The following PDE1C variants were observed in gnomAD, a reference collection of about 807,000 sequenced individuals.
PDE1C encodes the protein dual specificity calcium/calmodulin-dependent 3',5'-cyclic nucleotide phosphodiesterase 1C.
Under a neutral mutation model 93.1 loss-of-function variants are expected in PDE1C, and 62 were observed. That is an observed-to-expected ratio of 0.67 (90% CI 0.54 to 0.82). The LOEUF is 0.82. Ranked by LOEUF, PDE1C falls within the 40% of genes least tolerant of loss-of-function variation. The pLI, the probability that PDE1C is intolerant of heterozygous loss-of-function variation, is 0.00. For missense variants in PDE1C, 742 were observed against 884.6 expected (o/e 0.84, Z 2.04); for synonymous variants, 325 against 310.1 (o/e 1.05, Z -0.50).
At chr7:32,342,785 G>A (rs1325209417) in intron 1 of PDE1C, among the ~76,000 whole-genome samples, 2 of 152,112 alleles carry the variant, frequency 1.3e-5, no homozygotes, top group Non-Finnish European at 2.9e-5. Flanking sequence ...TTGTTATGAG[G>A]CTTAAATAAG....
the PDE1C span, among the ~76,000 whole-genome samples, chr7:31,681,381 ATGG>A: frequency 7.0e-6 from 1 of 142,462 alleles, no homozygotes; most frequent in African/African-American, 2.9e-5. Flanking sequence ...GGATGGATGG[ATGG>A]ATGGATGGAT....
At chr7:32,229,032 C>T (rs1562599481) in intron 1 of PDE1C, among the ~76,000 whole-genome samples, 1 of 152,238 alleles carries the variant, frequency 6.6e-6, no homozygotes, top group African/African-American at 2.4e-5. Context: ...CTTCCCACCC[C>T]CAAGCCCCAC....
the PDE1C span, among the ~76,000 whole-genome samples, chr7:31,704,445 C>T: frequency 1.3e-4 from 20 of 152,174 alleles, no homozygotes; most frequent in Non-Finnish European, 2.5e-4. Flanking sequence ...TACAAGCAGC[C>T]AAGTTCCCTA....
chr7:31,921,498 A>G (rs1050433044), intron 2 of PDE1C, among the ~76,000 whole-genome samples: 1 of 152,148 alleles, frequency 6.6e-6, no homozygotes, highest in Non-Finnish European at 1.5e-5. Context: ...ATATGGTGTT[A>G]TTTCAGGATT....
intron 1 of PDE1C, among the ~76,000 whole-genome samples, chr7:32,378,368 C>T (rs1448189982): frequency 6.6e-6 from 1 of 152,170 alleles, no homozygotes; most frequent in Non-Finnish European, 1.5e-5. Flanking sequence ...TTGCTTTTAG[C>T]CTTCAAGCTG....
chr7:32,094,915 A>G (rs1797670449), intron 3 of PDE1C, among the ~76,000 whole-genome samples: 1 of 152,146 alleles, frequency 6.6e-6, no homozygotes, highest in Non-Finnish European at 1.5e-5. Context: ...ACTTAGCATG[A>G]GCAGCTCCTT....
rs190974692 is a variant in PDE1C at position 31,894,900 on chromosome 7, C to T, written c.129-14040G>A. Among the ~76,000 whole-genome samples, 3 of 152,248 alleles carry T rather than the reference C, an allele frequency of 2.0e-5. No homozygotes were observed. The East Asian group carries it at 5.8e-4, about 29-fold the overall frequency. ...TATGAAGTACATCAGAGTTCTGGGG[C>T]AAAGTCCTGAGGCAAGAGATTGTTA... On this transcript the variant is annotated intron_variant, in intron 2 of 17. Transcript: ENST00000396191.
At chr7:32,053,844 C>T (rs566158953) in intron 1 of PDE1C, among the ~76,000 whole-genome samples, 6 of 152,026 alleles carry the variant, frequency 3.9e-5, no homozygotes, top group Non-Finnish European at 8.8e-5. Flanking sequence ...TCTGAAAGAG[C>T]GCAAATTCTA....
intron 2 of PDE1C, among the ~76,000 whole-genome samples, chr7:32,204,818 T>C (rs1805304553): frequency 6.6e-6 from 1 of 152,212 alleles, no homozygotes. Context: ...AGCGTCCCCG[T>C]TCTGACTCTC....
the PDE1C span, among the ~76,000 whole-genome samples, chr7:31,635,787 G>A: frequency 6.6e-6 from 1 of 151,968 alleles, no homozygotes; most frequent in South Asian, 2.1e-4. Flanking sequence ...GGAGGGCGGG[G>A]GTCAGAGGAG....
the PDE1C span, among the ~76,000 whole-genome samples, chr7:31,640,892 C>A: frequency 8.0e-3 from 1,225 of 152,190 alleles, 8 homozygotes; most frequent in Middle Eastern, 0.017. Flanking sequence ...AAAATGTATG[C>A]CCTCTGATTT....
intron 3 of PDE1C, among the ~76,000 whole-genome samples, chr7:32,103,188 G>C (rs1268542235): frequency 6.6e-6 from 1 of 152,214 alleles, no homozygotes; most frequent in South Asian, 2.1e-4. Flanking sequence ...ACATTAGAGA[G>C]TGAGAAATTT....
chr7:32,075,947 T>C (rs561220882), upstream of PDE1C, among the ~76,000 whole-genome samples: 2 of 152,118 alleles, frequency 1.3e-5, no homozygotes, highest in Non-Finnish European at 2.9e-5. Context: ...TTGGCCATGG[T>C]TGGGTTGGGC....
rs1789953117 is a variant in PDE1C at position 31,828,350 on chromosome 7, C to A, written c.1227G>T (p.Gly409=). Residue 409 remains glycine, a synonymous_variant, in exon 12 of 18, where the codon GGG becomes GGT. Coordinates refer to ENST00000396191, the MANE Select transcript of PDE1C (RefSeq NM_001191057.4). The part of the protein sequence containing the change: ...FRQGDREAEL[G]LPFSPLCDRK... ...GGTCACACAGAGGAGAAAAAGGCAGCCCCAGCTCTGCTTCTCTGTCACCCT... is the reference window on the plus strand; with the variant it reads ...GGTCACACAGAGGAGAAAAAGGCAGACCCAGCTCTGCTTCTCTGTCACCCT... 6.2e-7 allele frequency: 1 copy of A among 1,612,356 alleles called. No homozygotes were observed. The highest frequency in any genetic ancestry group is 2.2e-5 in the East Asian group (1 of 44,808).
At chr7:32,021,746 A>G (rs1788703551) in intron 2 of PDE1C, among the ~76,000 whole-genome samples, 1 of 152,058 alleles carries the variant, frequency 6.6e-6, no homozygotes, top group Non-Finnish European at 1.5e-5. Flanking sequence ...ATGTCTATCC[A>G]CAGGTAGACA....
the PDE1C span, among the ~76,000 whole-genome samples, chr7:31,709,568 A>G: frequency 6.6e-6 from 1 of 152,058 alleles, no homozygotes; most frequent in African/African-American, 2.4e-5. Flanking sequence ...AAGTAGGGGG[A>G]TCCCATCAGT....
rs558520958 is a variant in PDE1C at position 32,371,555 on chromosome 7, A to G, written c.310+56267T>C. On this transcript the variant is annotated intron_variant, in intron 1 of 1. Coordinates refer to the PDE1C transcript ENST00000672256. ...TACTGAATGAAGGGCATGGATGGGT[A>G]CCATGGTGATTTCAAAAAATGGCTG... is the stretch of plus-strand genomic sequence containing the variant. Among the ~76,000 whole-genome samples, 12 of 152,336 alleles carry G rather than the reference A, an allele frequency of 7.9e-5. 1 individual carries two copies. The highest frequency in any genetic ancestry group is 5.2e-4 in the Admixed American group (8 of 15,308).
At chr7:31,911,415 C>T (rs1241886085) in intron 2 of PDE1C, among the ~76,000 whole-genome samples, 1 of 152,110 alleles carries the variant, frequency 6.6e-6, no homozygotes, top group East Asian at 1.9e-4. Context: ...GGGCTCAGTA[C>T]TGAAGTAACC....
At chr7:32,380,224 C>T (rs182495) in intron 1 of PDE1C, among the ~76,000 whole-genome samples, 113,932 of 151,594 alleles carry the variant, frequency 0.75, 44,744 homozygotes, top group East Asian at 0.96. Flanking sequence ...CATCCTCTCT[C>T]TCTCTCTCTT....
Sources: gnomAD v4.1 joint callset for allele counts (sites outside exome capture counted in the v4.1 genomes callset) on GRCh38, gnomAD v4.1.1 for gene constraint, MANE v1.5 for transcripts, NCBI Gene and HGNC (gene_info 2026-07-23, HGNC 2026-07-21) for gene names.